The following RBMS3 variants were observed in gnomAD, a reference collection of about 807,000 sequenced individuals.
RBMS3 encodes RNA binding motif single stranded interacting protein 3, also known as RNA-binding motif, single-stranded-interacting protein 3.
Under a neutral mutation model 66.8 loss-of-function variants are expected in RBMS3, and 27 were observed. That is an observed-to-expected ratio of 0.40 (90% CI 0.30 to 0.56). RBMS3 has a LOEUF of 0.56. RBMS3 is among the 20% of genes least tolerant of loss of function. The pLI is 0.40. For missense variants in RBMS3, 513 were observed against 549.5 expected (o/e 0.93, Z 0.66); for synonymous variants, 188 against 183.0 (o/e 1.03, Z -0.22).
intron 1 of RBMS3, among the ~76,000 whole-genome samples, chr3:29,323,832 G>A (rs75794502): frequency 0.04 from 6,045 of 151,470 alleles, 151 homozygotes; most frequent in South Asian, 0.069. Context: ...ATTTAAGCTT[G>A]TACGCAATTT....
chr3:29,832,249 T>C (rs577941347), intron 6 of RBMS3, among the ~76,000 whole-genome samples: 25 of 152,312 alleles, frequency 1.6e-4, no homozygotes, highest in South Asian at 1.4e-3. Context: ...AAAGGACTTG[T>C]GGTCCCTTTT....
intron 1 of RBMS3, among the ~76,000 whole-genome samples, chr3:29,424,786 A>G (rs548639563): frequency 1.2e-4 from 18 of 152,338 alleles, no homozygotes; most frequent in South Asian, 2.1e-4. Flanking sequence ...CTTTGCTACA[A>G]GTAACCAAAT....
chr3:29,701,880 G>C (rs1180728930), intron 4 of RBMS3, among the ~76,000 whole-genome samples: 1 of 146,288 alleles, frequency 6.8e-6, no homozygotes. Context: ...CCTGCTCCAC[G>C]GCGCCGCCCG....
intron 6 of RBMS3, among the ~76,000 whole-genome samples, chr3:29,774,031 G>A (rs2056328597): frequency 6.6e-6 from 1 of 151,898 alleles, no homozygotes; most frequent in African/African-American, 2.4e-5. Flanking sequence ...GTCTGTTTCT[G>A]GTGAACCCAA....
chr3:29,564,736 A>T (rs1221271778), intron 3 of RBMS3, among the ~76,000 whole-genome samples: 1 of 152,072 alleles, frequency 6.6e-6, no homozygotes, highest in Non-Finnish European at 1.5e-5. Context: ...ACTTCGTGGG[A>T]GAAGAGTTGG....
chr3:29,325,054 C>T (rs1045987507), intron 1 of RBMS3, among the ~76,000 whole-genome samples: 2 of 152,058 alleles, frequency 1.3e-5, no homozygotes, highest in Non-Finnish European at 2.9e-5. Context: ...ACTTGAATGT[C>T]CATTAATAGG....
intron 1 of RBMS3, among the ~76,000 whole-genome samples, chr3:29,314,745 T>C (rs1038225030): frequency 1.3e-5 from 2 of 151,768 alleles, no homozygotes; most frequent in Non-Finnish European, 2.9e-5. Context: ...ATTTAAATTG[T>C]GTCCCAATTT....
chr3:29,821,125 A>C (rs1258029884), intron 6 of RBMS3, among the ~76,000 whole-genome samples: 1 of 152,206 alleles, frequency 6.6e-6, no homozygotes, highest in African/African-American at 2.4e-5. Context: ...TTCATTATCC[A>C]AACAGCCAAG....
chr3:29,819,044 C>A (rs188694081), intron 6 of RBMS3, among the ~76,000 whole-genome samples: 1 of 152,092 alleles, frequency 6.6e-6, no homozygotes, highest in East Asian at 1.9e-4. Context: ...CATTCCATTG[C>A]CACCCAACAA....
chr3:29,723,382 T>C (rs975246240), intron 4 of RBMS3, among the ~76,000 whole-genome samples: 1 of 152,242 alleles, frequency 6.6e-6, no homozygotes, highest in African/African-American at 2.4e-5. Flanking sequence ...TCTACATTTA[T>C]TAGCTTTTAT....
At chr3:29,856,214 T>A (rs2059072427) in intron 6 of RBMS3, among the ~76,000 whole-genome samples, 1 of 152,186 alleles carries the variant, frequency 6.6e-6, no homozygotes, top group African/African-American at 2.4e-5. Flanking sequence ...TTGAATGAAT[T>A]TCAGGCAAGG....
At chr3:29,671,064 G>T (rs893433759) in intron 4 of RBMS3, among the ~76,000 whole-genome samples, 1 of 152,140 alleles carries the variant, frequency 6.6e-6, no homozygotes, top group Non-Finnish European at 1.5e-5. Context: ...CCAGAGGAAG[G>T]ATCAGACAGC....
intron 7 of RBMS3, among the ~76,000 whole-genome samples, chr3:29,870,451 A>G (rs1412688889): frequency 1.3e-5 from 2 of 152,210 alleles, no homozygotes; most frequent in African/African-American, 2.4e-5. Flanking sequence ...ATGACAGAAG[A>G]TTCAGTTTCT....
chr3:29,846,498 A>G (rs1045932287), intron 6 of RBMS3, among the ~76,000 whole-genome samples: 3 of 152,182 alleles, frequency 2.0e-5, no homozygotes, highest in African/African-American at 7.2e-5. Flanking sequence ...TAAACATTTA[A>G]CTGACTGTCA....
chr3:29,606,304 A>G (rs2048320287), intron 4 of RBMS3, among the ~76,000 whole-genome samples: 1 of 151,936 alleles, frequency 6.6e-6, no homozygotes. Flanking sequence ...AGGTTTATGC[A>G]AATATTTATG....
intron 4 of RBMS3, chr3:29,698,256 C>T: frequency 1.0e-6 from 1 of 985,364 alleles, no homozygotes; most frequent in Non-Finnish European, 1.2e-6. Flanking sequence ...TCTACATACA[C>T]AGCAAATGCA....
chr3:29,643,686 T>C (rs778711598), intron 4 of RBMS3, among the ~76,000 whole-genome samples: 1 of 152,128 alleles, frequency 6.6e-6, no homozygotes, highest in African/African-American at 2.4e-5. Flanking sequence ...TGGGCCATTT[T>C]TCATGTCATT....
chr3:29,903,469 A>G (rs17024580), intron 10 of RBMS3, among the ~76,000 whole-genome samples: 11,842 of 151,994 alleles, frequency 0.078, 781 homozygotes, highest in African/African-American at 0.18. Context: ...CCATTGCACT[A>G]ACAGAATTTT....
chr3:29,890,809 A>G (rs1253700594), intron 8 of RBMS3, among the ~76,000 whole-genome samples: 1 of 151,628 alleles, frequency 6.6e-6, no homozygotes, highest in Admixed American at 6.6e-5. Context: ...GGGAAGGGCC[A>G]ACACAGTAGT....
Sources: gnomAD v4.1 joint callset for allele counts (sites outside exome capture counted in the v4.1 genomes callset) on GRCh38, gnomAD v4.1.1 for gene constraint, MANE v1.5 for transcripts, NCBI Gene and HGNC (gene_info 2026-07-23, HGNC 2026-07-21) for gene names.